Variants in NAA25 observed in about 807,000 individuals in gnomAD.
NAA25 encodes the protein N-terminal acetyltransferase B complex subunit NAA25.
A neutral mutation model predicts 132.5 loss-of-function variants in NAA25; 30 were observed. The observed-to-expected ratio is 0.23, with a 90% CI of 0.17 to 0.31. NAA25 has a LOEUF of 0.31. NAA25 is among the 10% of genes least tolerant of loss of function. The pLI, the probability that NAA25 is intolerant of heterozygous loss-of-function variation, is 1.00. For synonymous variants in NAA25, 359 were observed against 401.9 expected (o/e 0.89, Z 1.28); for missense variants, 771 against 1,150.4 (o/e 0.67, Z 4.77).
chr12:112,045,638 T>C (rs1315581999), intron 17 of NAA25, among the ~76,000 whole-genome samples: 2 of 149,818 alleles, frequency 1.3e-5, no homozygotes, highest in African/African-American at 2.5e-5. Flanking sequence ...CTACTAAAAA[T>C]ACAAAAATTA....
chr12:112,100,786 A>AT (rs1221715703), intron 1 of NAA25, among the ~76,000 whole-genome samples: 6 of 150,810 alleles, frequency 4.0e-5, no homozygotes, highest in Non-Finnish European at 8.9e-5. Context: ...CGCCCGGAGA[A>AT]TTTTTTGTAT....
intron 10 of NAA25, among the ~76,000 whole-genome samples, chr12:112,070,433 C>A (rs1399885755): frequency 6.6e-6 from 1 of 152,164 alleles, no homozygotes; most frequent in Non-Finnish European, 1.5e-5. Flanking sequence ...ACCAAATATT[C>A]TTTTGTCAAT....
chr12:112,055,447 C>G (rs1367010070), intron 13 of NAA25, among the ~76,000 whole-genome samples: 3 of 152,136 alleles, frequency 2.0e-5, no homozygotes, highest in Admixed American at 2.0e-4. Flanking sequence ...ATACTCCCAG[C>G]ACTTTGGGAA....
intron 1 of NAA25, among the ~76,000 whole-genome samples, chr12:112,104,927 G>A (rs1413996758): frequency 6.6e-6 from 1 of 151,296 alleles, no homozygotes; most frequent in Admixed American, 6.6e-5. Flanking sequence ...CTGAGGCAGA[G>A]AACTGTTTGA....
At chr12:112,044,577 G>A (rs893637823) in intron 17 of NAA25, among the ~76,000 whole-genome samples, 4 of 152,030 alleles carry the variant, frequency 2.6e-5, no homozygotes, top group Non-Finnish European at 5.9e-5. Flanking sequence ...GGCTGAGACA[G>A]GAGAATGGCA....
rs557573465 is a variant in NAA25, at chr12:112,061,101, T to C, written c.1357+80A>G. On this transcript the variant is annotated intron_variant, in intron 12 of 23. Transcript: ENST00000261745. ...CCTTACAAAACTCATTAAAACAGGGTGCTACAGGTGCTTAAAAAACTGCCT... is the reference window on the plus strand; with the variant it reads ...CCTTACAAAACTCATTAAAACAGGGCGCTACAGGTGCTTAAAAAACTGCCT... The C allele has an allele frequency of 7.8e-4, 842 of 1,079,420 alleles. 2 individuals are homozygous for C. Among genetic ancestry groups the C allele is most frequent in the African/African-American group, 7.5e-3 (485 of 64,386 alleles). The allele number at this position is 1,079,420 out of a possible 1,614,324, so 66.9% of individuals were successfully genotyped here.
chr12:112,039,381 A>G (rs1280231912), intron 21 of NAA25, 42 bp from the exon 22 acceptor site: 1 of 1,156,270 alleles, frequency 8.6e-7, no homozygotes, highest in Non-Finnish European at 1.3e-6. Flanking sequence ...GGATTACACT[A>G]AAAATATCTA....
intron 15 of NAA25, among the ~76,000 whole-genome samples, chr12:112,052,985 G>C (rs1443176636): frequency 6.6e-6 from 1 of 152,202 alleles, no homozygotes; most frequent in Non-Finnish European, 1.5e-5. Context: ...TAGAGCCCAA[G>C]TCTGCTTGCA....
intron 11 of NAA25, among the ~76,000 whole-genome samples, chr12:112,061,687 A>G (rs888926573): frequency 6.6e-6 from 1 of 152,194 alleles, no homozygotes; most frequent in Non-Finnish European, 1.5e-5. Context: ...AATGTTCCAT[A>G]ACTTACAGCA....
chr12:112,082,079 C>T (rs988383211), intron 4 of NAA25, among the ~76,000 whole-genome samples: 2 of 151,948 alleles, frequency 1.3e-5, no homozygotes, highest in Non-Finnish European at 2.9e-5. Flanking sequence ...GGAGAAACCC[C>T]ATCTCTACTA....
At chr12:112,029,941 G>A (rs781748894) in intron 23 of NAA25, among the ~76,000 whole-genome samples, 9 of 152,212 alleles carry the variant, frequency 5.9e-5, no homozygotes, top group African/African-American at 1.4e-4. Context: ...GGCCAGGCAC[G>A]GTGGCTCACG....
At chr12:112,093,448 C>T (rs1468390568) in intron 1 of NAA25, among the ~76,000 whole-genome samples, 4 of 151,556 alleles carry the variant, frequency 2.6e-5, no homozygotes, top group African/African-American at 9.7e-5. Context: ...GGCTGAGGCA[C>T]GAGAATCGCT....
intron 1 of NAA25, among the ~76,000 whole-genome samples, chr12:112,102,649 C>A (rs191799000): frequency 2.9e-4 from 44 of 152,066 alleles, no homozygotes; most frequent in Admixed American, 2.6e-3. Flanking sequence ...CTCACTGCAG[C>A]TTGAAGTTCC....
chr12:112,047,787 T>C lies in NAA25; in HGVS notation c.1884A>G (p.Ser628=). 1 of 1,599,674 alleles carries C rather than the reference T, an allele frequency of 6.3e-7. No individual in the cohort carries two copies. The highest frequency in any genetic ancestry group is 8.5e-7 in the Non-Finnish European group (1 of 1,176,052). The part of the protein sequence containing the change: ...LLDLLLEANI[S]TSLAESIKSM... ...ACTTTATACTTTCTGCTAAACTGGT[T>C]GATCTGTGATAGAGAAAAATCCACA... is the stretch of plus-strand genomic sequence containing the variant. The change falls in exon 17 of 24, where the codon TCA becomes TCG. Residue 628 remains serine (S), a synonymous_variant. Coordinates refer to ENST00000261745, the MANE Select transcript of NAA25 (RefSeq NM_024953.4).
intron 13 of NAA25, among the ~76,000 whole-genome samples, chr12:112,058,157 A>G (rs535934102): frequency 7.7e-5 from 11 of 143,788 alleles, no homozygotes; most frequent in Non-Finnish European, 1.5e-4. Context: ...AAAACAAACT[A>G]AAAAAAAAAA....
chr12:112,033,064 C>A (rs929647682), intron 23 of NAA25, among the ~76,000 whole-genome samples, 169 bp downstream of exon 23: 1 of 152,164 alleles, frequency 6.6e-6, no homozygotes, highest in African/African-American at 2.4e-5. Context: ...AAAAAACCTA[C>A]CACCAACAAC....
intron 1 of NAA25, among the ~76,000 whole-genome samples, chr12:112,097,593 C>T (rs1267259733): frequency 7.6e-5 from 10 of 131,402 alleles, no homozygotes; most frequent in African/African-American, 2.6e-4. Flanking sequence ...GGAGACAGAG[C>T]GAGACTCCGT....
chr12:112,071,330 T>A (rs1454621431), intron 10 of NAA25, among the ~76,000 whole-genome samples: 2 of 152,152 alleles, frequency 1.3e-5, no homozygotes, highest in African/African-American at 2.4e-5. Context: ...CAGGTTTTTT[T>A]ATTTTTTTAA....
At position 112,039,306 on chromosome 12, in the gene NAA25, A is replaced by C. The variant is rs144150313; in HGVS notation, c.2572T>G (p.Cys858Gly). 6.8e-6 allele frequency: 11 copies of C among 1,611,418 alleles called. No individual in the cohort carries two copies. In the African/African-American group the frequency reaches 1.1e-4, roughly 16 times the overall value. Residue 858 changes from cysteine (C) to glycine (G), a missense_variant, in exon 22 of 24, where the codon TGT (cysteine) becomes GGT (glycine). Cys to Gly is a radical substitution (Grantham distance 159). This residue lies in a region of NAA25 where 324 missense variants were observed against 400.0 expected (regional missense o/e 0.81). Transcript: ENST00000261745. ...TTGTATGGTCGTAGGACACTCTCAC[A>C]GTAACTGGATACCCAAAGGATAACA... is the stretch of plus-strand genomic sequence containing the variant. ...ISVILWVSSY[C>G]ESVLRPYKLN...
Sources: gnomAD v4.1 joint callset for allele counts (sites outside exome capture counted in the v4.1 genomes callset) on GRCh38, gnomAD v4.1.1 for gene constraint, gnomAD v4.1.1 regional missense constraint, MANE v1.5 for transcripts, NCBI Gene and HGNC (gene_info 2026-07-23, HGNC 2026-07-21) for gene names.